Variants in ST6GALNAC3 observed in about 807,000 individuals in gnomAD.
The protein encoded by ST6GALNAC3 is alpha-N-acetylgalactosaminide alpha-2,6-sialyltransferase 3.
In ST6GALNAC3, 25 loss-of-function variants were observed where a neutral mutation model predicts 32.7. That is an observed-to-expected ratio of 0.76 (90% CI 0.56 to 1.07). The LOEUF (loss-of-function observed/expected upper bound fraction) is 1.07, where lower values mean the gene tolerates loss of function less well. ST6GALNAC3 is among the 50% of genes least tolerant of loss of function. The pLI is 0.00. For synonymous variants in ST6GALNAC3, 129 were observed against 133.1 expected, an observed-to-expected ratio of 0.97 and a Z score of 0.21; for missense variants, 355 against 382.4, an observed-to-expected ratio of 0.93 and a Z score of 0.60.
At chr1:76,206,208 G>A (rs1654814396) in intron 1 of ST6GALNAC3, among the ~76,000 whole-genome samples, 1 of 152,176 alleles carries the variant, frequency 6.6e-6, no homozygotes, top group African/African-American at 2.4e-5. Flanking sequence ...GAACAGCACA[G>A]AAAATAATGC....
Position 76,630,985 on chromosome 1 carries a change from T to C in ST6GALNAC3, c.*2179T>C. 1 of 985,696 alleles carries C rather than the reference T, an allele frequency of 1.0e-6. No individual in the cohort carries two copies. The highest frequency in any genetic ancestry group is 1.2e-6 in the Non-Finnish European group (1 of 829,844). 61.1% of individuals were successfully genotyped at this position (985,696 alleles called of 1,614,324 possible). ...GACATGAACTTAATTTATTTAGTTTTCTAATAAATGAAGGGCCAACTCTTA... is the reference window on the plus strand; with the variant it reads ...GACATGAACTTAATTTATTTAGTTTCCTAATAAATGAAGGGCCAACTCTTA... On this transcript the variant is annotated 3_prime_UTR_variant, in exon 5 of 5. Coordinates refer to ENST00000328299, the MANE Select transcript of ST6GALNAC3 (RefSeq NM_152996.4).
intron 2 of ST6GALNAC3, among the ~76,000 whole-genome samples, chr1:76,407,284 TGCCTTGCACAG>T (rs1422779704): frequency 2.0e-5 from 3 of 152,104 alleles, no homozygotes; most frequent in Non-Finnish European, 2.9e-5. Context: ...CTCTTCACAG[TGCCTTGCACAG>T]AATAGGTACT....
chr1:76,278,387 A>G (rs1169545779), intron 1 of ST6GALNAC3, among the ~76,000 whole-genome samples: 1 of 151,832 alleles, frequency 6.6e-6, no homozygotes, highest in Non-Finnish European at 1.5e-5. Context: ...ATGCCCAGCT[A>G]ATTTTTTGTA....
At chr1:76,284,270 T>G (rs774832147) in intron 1 of ST6GALNAC3, among the ~76,000 whole-genome samples, 13 of 151,544 alleles carry the variant, frequency 8.6e-5, no homozygotes, top group Admixed American at 2.0e-4. Flanking sequence ...ATAGGAAGAG[T>G]AAGTAAGTAC....
intron 1 of ST6GALNAC3, among the ~76,000 whole-genome samples, chr1:76,114,553 G>A (rs1259891636): frequency 6.6e-6 from 1 of 152,096 alleles, no homozygotes; most frequent in Non-Finnish European, 1.5e-5. Context: ...TAGGTACTCA[G>A]TATTACTTTT....
At chr1:76,127,309 A>G (rs184590426) in intron 1 of ST6GALNAC3, among the ~76,000 whole-genome samples, 60 of 152,314 alleles carry the variant, frequency 3.9e-4, no homozygotes, top group Middle Eastern at 3.4e-3. Context: ...TAGCATTTTA[A>G]TTGGCAGCAG....
At chr1:76,297,217 A>G (rs943844731) in intron 1 of ST6GALNAC3, among the ~76,000 whole-genome samples, 1 of 152,074 alleles carries the variant, frequency 6.6e-6, no homozygotes, top group African/African-American at 2.4e-5. Context: ...TCTCTAAATC[A>G]TCTTTTCTTT....
At chr1:76,275,153 C>G (rs1321679011) in intron 1 of ST6GALNAC3, among the ~76,000 whole-genome samples, 1 of 152,124 alleles carries the variant, frequency 6.6e-6, no homozygotes, top group Non-Finnish European at 1.5e-5. Context: ...GGAAAAGATT[C>G]ATTGCAGGAC....
At chr1:76,449,487 A>T (rs1036147310) in intron 3 of ST6GALNAC3, among the ~76,000 whole-genome samples, 1 of 152,244 alleles carries the variant, frequency 6.6e-6, no homozygotes, top group African/African-American at 2.4e-5. Flanking sequence ...AAACCATCAA[A>T]CTGTCTTTCA....
At chr1:76,346,718 T>C (rs1388465414) in intron 2 of ST6GALNAC3, among the ~76,000 whole-genome samples, 1 of 152,040 alleles carries the variant, frequency 6.6e-6, no homozygotes, top group Non-Finnish European at 1.5e-5. Flanking sequence ...CTTGGCCAAG[T>C]TACATAATGC....
chr1:76,204,210 T>A (rs962228465), intron 1 of ST6GALNAC3, among the ~76,000 whole-genome samples: 1 of 152,214 alleles, frequency 6.6e-6, no homozygotes, highest in Non-Finnish European at 1.5e-5. Flanking sequence ...TCCATCAATG[T>A]GGCTGCAAAT....
At chr1:76,525,359 T>G (rs1368161677) in intron 3 of ST6GALNAC3, among the ~76,000 whole-genome samples, 2 of 152,104 alleles carry the variant, frequency 1.3e-5, no homozygotes. Context: ...CAAGGAATGC[T>G]ATGCTCTGGC....
chr1:76,357,124 C>CTTTTTTTTTTT (rs1649524334), intron 2 of ST6GALNAC3, among the ~76,000 whole-genome samples: 1 of 59,838 alleles, frequency 1.7e-5, no homozygotes, highest in Admixed American at 2.1e-4. Flanking sequence ...TTTTTCTTTT[C>CTTTTTTTTTTT]TTTTTCTTTT....
chr1:76,343,335 TA>T (rs1353513767), intron 2 of ST6GALNAC3, among the ~76,000 whole-genome samples: 1 of 152,182 alleles, frequency 6.6e-6, no homozygotes, highest in Non-Finnish European at 1.5e-5. Flanking sequence ...ACTCTTTCAG[TA>T]ACAGAACATC....
In ST6GALNAC3 at chr1:76,337,479, G is replaced by C. The variant is rs1647594810; in HGVS notation, c.213+23480G>C. Among the ~76,000 whole-genome samples, 4 of 152,130 alleles carry C rather than the reference G, an allele frequency of 2.6e-5. No homozygotes were observed. In the South Asian group the frequency reaches 8.3e-4, roughly 31 times the overall value. ...GTGTGTGAGGTGTCCCAGTGTACCA[G>C]TGTCCTCCATTCGGGGGTGTCTTCT... On this transcript the variant is annotated intron_variant, in intron 2 of 4. Coordinates refer to ENST00000328299, the MANE Select transcript of ST6GALNAC3 (RefSeq NM_152996.4).
chr1:76,172,650 A>T (rs1482867695), intron 1 of ST6GALNAC3, among the ~76,000 whole-genome samples: 1 of 152,228 alleles, frequency 6.6e-6, no homozygotes, highest in Non-Finnish European at 1.5e-5. Flanking sequence ...TCAGGATACA[A>T]AATTAATGTG....
chr1:76,481,912 T>A (rs1659748201), intron 3 of ST6GALNAC3, among the ~76,000 whole-genome samples: 1 of 152,140 alleles, frequency 6.6e-6, no homozygotes, highest in Non-Finnish European at 1.5e-5. Flanking sequence ...TCTCGACAAC[T>A]AATCACTTGG....
intron 1 of ST6GALNAC3, among the ~76,000 whole-genome samples, chr1:76,128,327 A>G (rs980704749): frequency 2.6e-5 from 4 of 152,176 alleles, no homozygotes; most frequent in Admixed American, 1.3e-4. Context: ...GCAGGAGAAC[A>G]CCCCGTTCCC....
At chr1:76,157,586 A>T (rs548029653) in intron 1 of ST6GALNAC3, among the ~76,000 whole-genome samples, 1 of 152,310 alleles carries the variant, frequency 6.6e-6, no homozygotes, top group African/African-American at 2.4e-5. Context: ...TTGTTCACAT[A>T]TGTACCACAG....
Sources: gnomAD v4.1 joint callset for allele counts (sites outside exome capture counted in the v4.1 genomes callset) on GRCh38, gnomAD v4.1.1 for gene constraint, MANE v1.5 for transcripts, NCBI Gene and HGNC (gene_info 2026-07-23, HGNC 2026-07-21) for gene names.